The following ATOSA variants were observed in gnomAD, a reference collection of about 807,000 sequenced individuals.
ATOSA encodes atos homolog protein A.
At chr15:52,605,022 G>A in the ATOSA span, 8 of 726,958 alleles carry the variant, frequency 1.1e-5, no homozygotes, top group African/African-American at 1.3e-4. Context: ...TTTCCTTACT[G>A]GAAATTTAAA....
the ATOSA span, among the ~76,000 whole-genome samples, chr15:52,596,407 G>C: frequency 6.6e-6 from 1 of 152,184 alleles, no homozygotes; most frequent in Non-Finnish European, 1.5e-5. Flanking sequence ...CACATTACCT[G>C]ATTTCAAGAC....
chr15:52,697,957 A>ATTTTTTTTTTTTTTTTTTTTTTTTTTTT, the ATOSA span, among the ~76,000 whole-genome samples: 4 of 44,736 alleles, frequency 8.9e-5, no homozygotes, highest in Non-Finnish European at 1.6e-4. Flanking sequence ...GGGATGTAGA[A>ATTTTTTTTTTTTTTTTTTTTTTTTTTTT]TTTTTTTTTT....
the ATOSA span, among the ~76,000 whole-genome samples, chr15:52,654,834 C>A: frequency 1.3e-5 from 2 of 152,012 alleles, no homozygotes; most frequent in Non-Finnish European, 2.9e-5. Flanking sequence ...ATCTTTGAGA[C>A]TTTCTAAACA....
the ATOSA span, among the ~76,000 whole-genome samples, chr15:52,644,087 C>CT: frequency 4.2e-3 from 598 of 141,890 alleles, 1 homozygote; most frequent in African/African-American, 0.012. Context: ...TTGTGAAAGG[C>CT]TTTTTTTTTT....
the ATOSA span, among the ~76,000 whole-genome samples, chr15:52,683,619 A>G: frequency 6.6e-6 from 1 of 152,218 alleles, no homozygotes; most frequent in Non-Finnish European, 1.5e-5. Context: ...TGATTTATAT[A>G]TTTATTAGTC....
chr15:52,688,580 G>A, the ATOSA span, among the ~76,000 whole-genome samples: 2 of 152,124 alleles, frequency 1.3e-5, no homozygotes. Flanking sequence ...GGGGAGAAAA[G>A]GAGAAAAAGT....
chr15:52,673,430 T>A, the ATOSA span, among the ~76,000 whole-genome samples: 17 of 152,250 alleles, frequency 1.1e-4, no homozygotes, highest in Admixed American at 2.0e-4. Flanking sequence ...TTTTATTAGC[T>A]GTGTAACCTT....
At chr15:52,593,650 G>A in the ATOSA span, 1 of 1,562,912 alleles carries the variant, frequency 6.4e-7, no homozygotes, top group Non-Finnish European at 8.7e-7. Flanking sequence ...TCAAATGTGT[G>A]GGGCAGAAAG....
At chr15:52,656,115 T>G in the ATOSA span, 2 of 152,116 alleles carry the variant, frequency 1.3e-5, no homozygotes, top group South Asian at 4.1e-4. Flanking sequence ...CAAAGAAAGA[T>G]TTCTGTGAAG....
At chr15:52,643,653 C>T in the ATOSA span, among the ~76,000 whole-genome samples, 4 of 151,430 alleles carry the variant, frequency 2.6e-5, no homozygotes, top group Non-Finnish European at 5.9e-5. Context: ...CAGTGGCTCA[C>T]GCCTGTAATC....
chr15:52,658,738 G>A, the ATOSA span: 1 of 314,312 alleles, frequency 3.2e-6, no homozygotes, highest in Non-Finnish European at 5.5e-6. Flanking sequence ...GCTGATACAG[G>A]AAGATTGCTT....
the ATOSA span, among the ~76,000 whole-genome samples, chr15:52,598,310 C>T: frequency 1.3e-5 from 2 of 152,188 alleles, no homozygotes; most frequent in Admixed American, 1.3e-4. Flanking sequence ...GCAGGCTGGA[C>T]AAGCTTGCTC....
chr15:52,584,696 T>C, the ATOSA span: 1 of 1,520,456 alleles, frequency 6.6e-7, no homozygotes, highest in South Asian at 1.2e-5. Flanking sequence ...AAACTAAAAA[T>C]TTTAGAGTTG....
the ATOSA span, among the ~76,000 whole-genome samples, chr15:52,654,194 GAAAA>G: frequency 6.6e-6 from 1 of 151,824 alleles, no homozygotes; most frequent in African/African-American, 2.4e-5. Flanking sequence ...AGAATTTACA[GAAAA>G]AACATTAAAT....
the ATOSA span, among the ~76,000 whole-genome samples, chr15:52,662,597 C>T: frequency 2.1e-4 from 32 of 151,924 alleles, no homozygotes; most frequent in African/African-American, 6.3e-4. Context: ...AGTGAAACCC[C>T]GTCTCTACTA....
At chr15:52,687,299 G>A in the ATOSA span, among the ~76,000 whole-genome samples, 1 of 152,202 alleles carries the variant, frequency 6.6e-6, no homozygotes, top group Non-Finnish European at 1.5e-5. Context: ...CACCTACTCC[G>A]GAGGCTGAGG....
the ATOSA span, among the ~76,000 whole-genome samples, chr15:52,596,795 C>T: frequency 6.6e-6 from 1 of 152,140 alleles, no homozygotes; most frequent in Non-Finnish European, 1.5e-5. Flanking sequence ...TTAGATTCAA[C>T]ATCAAAAGTA....
the ATOSA span, among the ~76,000 whole-genome samples, chr15:52,644,262 ATTTAAC>A: frequency 6.6e-6 from 1 of 152,052 alleles, no homozygotes; most frequent in Non-Finnish European, 1.5e-5. Context: ...TGGAGGAAAA[ATTTAAC>A]TTTACCTCTT....
At chr15:52,658,801 CAAAAAAAAAAA>C in the ATOSA span, 51 of 263,488 alleles carry the variant, frequency 1.9e-4, no homozygotes, top group Middle Eastern at 9.1e-4. Flanking sequence ...CTCGTTTCTA[CAAAAAAAAAAA>C]AAAAAAAAAA....
Sources: allele counts gnomAD v4.1 joint callset (sites outside exome capture counted in the v4.1 genomes callset), GRCh38; gene constraint gnomAD v4.1.1; transcripts MANE v1.5; gene names NCBI Gene and HGNC (gene_info 2026-07-23, HGNC 2026-07-21).